Variants in HMCN1 observed in about 807,000 individuals in gnomAD.
HMCN1 encodes the protein hemicentin-1.
HMCN1 carries 321 observed loss-of-function variants against 625.9 expected under a neutral mutation model. The observed-to-expected ratio is 0.51, with a 90% CI of 0.47 to 0.56. The LOEUF (loss-of-function observed/expected upper bound fraction) is 0.56. Among genes scored for constraint, HMCN1 ranks in the 20% least tolerant of loss-of-function variants. The pLI is 0.00. For synonymous variants in HMCN1, 2,425 were observed against 2,417.6 expected, an observed-to-expected ratio of 1.00 and a Z score of -0.09; for missense variants, 6,588 against 6,887.3, an observed-to-expected ratio of 0.96 and a Z score of 1.54.
intron 97 of HMCN1, among the ~76,000 whole-genome samples, chr1:186,164,835 C>T (rs1571448505): frequency 6.6e-6 from 1 of 152,182 alleles, no homozygotes; most frequent in South Asian, 2.1e-4. Context: ...ATCTTGGACC[C>T]TTTTTAGTTA....
At chr1:185,979,298 A>C (rs1293011885) in intron 16 of HMCN1, among the ~76,000 whole-genome samples, 1 of 152,180 alleles carries the variant, frequency 6.6e-6, no homozygotes, top group Non-Finnish European at 1.5e-5. Context: ...GGTACATGAA[A>C]GTACTGTTTC....
chr1:186,043,936 C>T (rs1286494155), intron 40 of HMCN1, among the ~76,000 whole-genome samples: 1 of 152,044 alleles, frequency 6.6e-6, no homozygotes, highest in East Asian at 1.9e-4. Context: ...AAAAAATTAG[C>T]CAGGCGTGGT....
chr1:185,964,453 G>T (rs937739114), intron 13 of HMCN1, among the ~76,000 whole-genome samples: 18 of 152,126 alleles, frequency 1.2e-4, no homozygotes, highest in African/African-American at 4.3e-4. Context: ...ATGGCTAGCA[G>T]TCCACCCTTT....
chr1:186,144,485 A>G (rs200930507), intron 90 of HMCN1, 48 bp from the exon 91 acceptor site: 8 of 1,613,430 alleles, frequency 5.0e-6, no homozygotes, highest in Non-Finnish European at 3.4e-6. Context: ...GTGTAACACG[A>G]TGGTTCCTAG....
intron 16 of HMCN1, among the ~76,000 whole-genome samples, chr1:185,979,385 AAC>A (rs1651460820): frequency 6.6e-6 from 1 of 152,198 alleles, no homozygotes; most frequent in South Asian, 2.1e-4. Flanking sequence ...GATGATGAGA[AAC>A]AACCCAGATG....
intron 30 of HMCN1, among the ~76,000 whole-genome samples, chr1:186,010,627 A>G (rs1653938871): frequency 6.6e-6 from 1 of 152,196 alleles, no homozygotes; most frequent in Non-Finnish European, 1.5e-5. Flanking sequence ...TTTGATAGGC[A>G]TTTATAGATT....
Position 185,923,668 on chromosome 1 carries a change from T to G in HMCN1, c.1285+15T>G. ...TATTGTCCCAGGTGAGACATCATTTTATTCAACATTGAAATATTGACAGTT... is the reference window on the plus strand; with the variant it reads ...TATTGTCCCAGGTGAGACATCATTTGATTCAACATTGAAATATTGACAGTT... On this transcript the variant is annotated intron_variant, in intron 8 of 106. Coordinates refer to ENST00000271588, the MANE Select transcript of HMCN1 (RefSeq NM_031935.3). The G allele has an allele frequency of 6.3e-7, 1 of 1,585,396 alleles. No homozygotes were observed. Among genetic ancestry groups the G allele is most frequent in the South Asian group, 1.1e-5 (1 of 90,670 alleles).
At chr1:186,007,818 G>A (rs977645941) in intron 30 of HMCN1, among the ~76,000 whole-genome samples, 8 of 152,068 alleles carry the variant, frequency 5.3e-5, no homozygotes, top group South Asian at 2.1e-4. Context: ...TCTGAGGAGC[G>A]TGATTGCCAA....
Position 186,190,233 on chromosome 1 carries a change from A to G in HMCN1, c.*355A>G, listed in dbSNP as rs1653636589. 1 of 264,816 alleles carries G rather than the reference A, an allele frequency of 3.8e-6. No individual in the cohort carries two copies. The highest frequency in any genetic ancestry group is 1.0e-4 in the South Asian group (1 of 9,912). 16.4% of individuals were successfully genotyped at this position (264,816 alleles called of 1,614,324 possible). On this transcript the variant is annotated 3_prime_UTR_variant, in exon 107 of 107. Coordinates refer to ENST00000271588, the MANE Select transcript of HMCN1 (RefSeq NM_031935.3). Reference sequence around the variant, plus strand: ...AACCAAACAACGAAAAACAAGAACAACTAATTCAGAATCAAATAGAGTTTT... The same window carrying G: ...AACCAAACAACGAAAAACAAGAACAGCTAATTCAGAATCAAATAGAGTTTT...
chr1:185,798,517 AT>A (rs1571368096), intron 1 of HMCN1, among the ~76,000 whole-genome samples: 1 of 152,148 alleles, frequency 6.6e-6, no homozygotes, highest in Non-Finnish European at 1.5e-5. Context: ...TGACTCCTAG[AT>A]TTGAACATTT....
intron 4 of HMCN1, among the ~76,000 whole-genome samples, chr1:185,898,515 C>A (rs887967259): frequency 6.6e-6 from 1 of 152,046 alleles, no homozygotes; most frequent in African/African-American, 2.4e-5. Context: ...GAAGTACCAC[C>A]TACATCAAGG....
chr1:186,108,035 T>TAAAAAAA (rs559777006), intron 70 of HMCN1, among the ~76,000 whole-genome samples: 2 of 98,308 alleles, frequency 2.0e-5, no homozygotes, highest in African/African-American at 4.0e-5. Context: ...GTAAATTCTG[T>TAAAAAAA]AAAAAAAAAA....
intron 4 of HMCN1, among the ~76,000 whole-genome samples, chr1:185,877,321 CTTTTTTTTTTT>C (rs71557837): frequency 6.9e-4 from 24 of 34,912 alleles, no homozygotes; most frequent in African/African-American, 2.2e-3. Context: ...ATGTGTCTTT[CTTTTTTTTTTT>C]TTTTTTTTTT....
intron 27 of HMCN1, 61 bp downstream of exon 27, chr1:186,001,489 A>G: frequency 6.2e-7 from 1 of 1,600,912 alleles, no homozygotes; most frequent in Non-Finnish European, 8.6e-7. Context: ...TAGGTTGTTC[A>G]GATGTTCATT....
chr1:186,164,621 TG>T (rs1252389869), intron 97 of HMCN1, among the ~76,000 whole-genome samples: 4 of 152,168 alleles, frequency 2.6e-5, no homozygotes. Context: ...TGGTCACACG[TG>T]GGGGATTTTG....
At position 186,171,445 on chromosome 1, in the gene HMCN1, G is replaced by A; in HGVS notation, c.15683G>A (p.Cys5228Tyr). The A allele has an allele frequency of 6.2e-7, 1 of 1,608,090 alleles. No homozygotes were observed. Among genetic ancestry groups the A allele is most frequent in the Non-Finnish European group, 8.5e-7 (1 of 1,174,658 alleles). Residue 5228 changes from cysteine to tyrosine, a missense_variant, in exon 101 of 107, where the codon TGC becomes TAC. Physicochemically the swap from Cys to Tyr is radical, Grantham distance 194. Around this residue, in one of 3 missense-constraint regions of HMCN1, gnomAD observed 1,954 missense variants for 2,013.1 expected, o/e 0.97. Coordinates refer to ENST00000271588, the MANE Select transcript of HMCN1 (RefSeq NM_031935.3). ...EPGYQLKGRK[C>Y]MDVNECRQNV... ...GGGTATCAGCTCAAAGGCAGAAAAT[G>A]CATGGGTAAGAAAAGGGCTTTGAAT... is the stretch of plus-strand genomic sequence containing the variant.
intron 60 of HMCN1, 68 bp downstream of exon 60, chr1:186,087,713 T>G: frequency 7.0e-7 from 1 of 1,431,204 alleles, no homozygotes; most frequent in Non-Finnish European, 9.9e-7. Context: ...TGCTTGGAAG[T>G]TGCATATTCC....
intron 36 of HMCN1, among the ~76,000 whole-genome samples, chr1:186,032,362 A>G (rs567090366): frequency 6.6e-6 from 1 of 152,270 alleles, no homozygotes; most frequent in African/African-American, 2.4e-5. Context: ...ACAATGAGAT[A>G]CCACCTTACT....
intron 74 of HMCN1, 69 bp from the exon 75 acceptor site, chr1:186,115,186 TCAG>T (rs1403143552): frequency 1.3e-6 from 2 of 1,571,498 alleles, no homozygotes; most frequent in African/African-American, 2.7e-5. Flanking sequence ...TAATTTCAGT[TCAG>T]CAGAAATATT....
Sources: gnomAD v4.1 joint callset for allele counts (sites outside exome capture counted in the v4.1 genomes callset) on GRCh38, gnomAD v4.1.1 for gene constraint, gnomAD v4.1.1 regional missense constraint, MANE v1.5 for transcripts, NCBI Gene and HGNC (gene_info 2026-07-23, HGNC 2026-07-21) for gene names.